CNTNAP4: variants seen among roughly 807,000 people sequenced by gnomAD.
The protein encoded by CNTNAP4 is contactin associated protein family member 4.
Under a neutral mutation model 148.4 loss-of-function variants are expected in CNTNAP4, and 98 were observed. The ratio of observed to expected loss-of-function variants is 0.66; its 90% CI spans 0.56 to 0.78. The LOEUF (loss-of-function observed/expected upper bound fraction) is 0.78. Ranked by LOEUF, CNTNAP4 falls within the 30% of genes least tolerant of loss-of-function variation. The pLI is 0.00. For missense variants in CNTNAP4, 1,935 were observed against 1,565.6 expected (o/e 1.24, Z -3.98); for synonymous variants, 730 against 565.1 (o/e 1.29, Z -4.14).
intron 1 of CNTNAP4, among the ~76,000 whole-genome samples, chr16:76,288,945 C>T (rs1958998710): frequency 6.6e-6 from 1 of 152,122 alleles, no homozygotes; most frequent in South Asian, 2.1e-4. Context: ...TAACTCTATT[C>T]CATTTCATTT....
chr16:76,348,360 T>C (rs1322121497), intron 2 of CNTNAP4, among the ~76,000 whole-genome samples: 1 of 151,974 alleles, frequency 6.6e-6, no homozygotes, highest in Non-Finnish European at 1.5e-5. Flanking sequence ...GGAAGGAGTG[T>C]AGGCAGATTT....
At chr16:76,442,493 A>T (rs1326752082) in intron 4 of CNTNAP4, among the ~76,000 whole-genome samples, 4 of 152,146 alleles carry the variant, frequency 2.6e-5, no homozygotes, top group African/African-American at 7.2e-5. Flanking sequence ...TATTTAGCTT[A>T]TGGTTCTGCA....
At chr16:76,311,767 G>A (rs925529328) in intron 1 of CNTNAP4, among the ~76,000 whole-genome samples, 2 of 152,098 alleles carry the variant, frequency 1.3e-5, no homozygotes. Flanking sequence ...GAAATGTTTG[G>A]TTACTCGATT....
At chr16:76,343,428 C>A (rs1468053072) in intron 2 of CNTNAP4, among the ~76,000 whole-genome samples, 1 of 152,170 alleles carries the variant, frequency 6.6e-6, no homozygotes, top group Non-Finnish European at 1.5e-5. Flanking sequence ...CACATCCTGA[C>A]AGACTTGATC....
chr16:76,369,582 C>G (rs2014558621), intron 3 of CNTNAP4, among the ~76,000 whole-genome samples: 1 of 152,226 alleles, frequency 6.6e-6, no homozygotes, highest in Non-Finnish European at 1.5e-5. Flanking sequence ...TAGCTCATGC[C>G]TGTAATCCCT....
chr16:76,443,358 A>C (rs931941797), intron 4 of CNTNAP4, among the ~76,000 whole-genome samples: 1 of 152,138 alleles, frequency 6.6e-6, no homozygotes, highest in African/African-American at 2.4e-5. Context: ...TATTTATACA[A>C]TTCAACTATG....
At chr16:76,534,032 A>G (rs2084107643) in intron 17 of CNTNAP4, among the ~76,000 whole-genome samples, 3 of 152,186 alleles carry the variant, frequency 2.0e-5, no homozygotes, top group African/African-American at 7.2e-5. Context: ...TCCTTTTCAT[A>G]GTCTTTCATT....
chr16:76,346,212 T>G (rs747092173), intron 2 of CNTNAP4, among the ~76,000 whole-genome samples: 2 of 152,088 alleles, frequency 1.3e-5, no homozygotes, highest in Non-Finnish European at 2.9e-5. Context: ...TTTTACTAAT[T>G]GGGGAAATAT....
intron 2 of CNTNAP4, among the ~76,000 whole-genome samples, chr16:76,326,561 A>G (rs1423833296): frequency 6.6e-6 from 1 of 152,190 alleles, no homozygotes; most frequent in Non-Finnish European, 1.5e-5. Context: ...ATGTCCAACA[A>G]TGATAGACTG....
chr16:76,535,461 T>G, intron 17 of CNTNAP4, 84 bp from the exon 18 acceptor site: 2 of 1,478,908 alleles, frequency 1.4e-6, no homozygotes, highest in Non-Finnish European at 1.8e-6. Context: ...TGCCGTTCTC[T>G]GTAAGGCCTC....
intron 3 of CNTNAP4, among the ~76,000 whole-genome samples, chr16:76,379,527 T>G (rs950345515): frequency 6.6e-6 from 1 of 152,224 alleles, no homozygotes; most frequent in African/African-American, 2.4e-5. Context: ...TTTCTCTAAC[T>G]GATTTTGTCT....
chr16:76,534,790 T>C (rs550944516), intron 17 of CNTNAP4, among the ~76,000 whole-genome samples: 7 of 152,344 alleles, frequency 4.6e-5, no homozygotes, highest in Non-Finnish European at 7.3e-5. Flanking sequence ...TCTTAAAGTT[T>C]GAGAAACTCT....
At chr16:76,548,949 T>C (rs9928928) in intron 21 of CNTNAP4, among the ~76,000 whole-genome samples, 48,374 of 152,076 alleles carry the variant, frequency 0.32, 7,960 homozygotes, top group African/African-American at 0.41. Flanking sequence ...AGCTGCTAAT[T>C]TTGTTTGGAC....
At chr16:76,340,811 T>G (rs891532615) in intron 2 of CNTNAP4, among the ~76,000 whole-genome samples, 6 of 152,146 alleles carry the variant, frequency 3.9e-5, no homozygotes, top group African/African-American at 1.4e-4. Flanking sequence ...AAGATTACTC[T>G]TTTTCTCTCT....
At chr16:76,451,341 T>C (rs2143222854) in intron 7 of CNTNAP4, among the ~76,000 whole-genome samples, 1 of 152,268 alleles carries the variant, frequency 6.6e-6, no homozygotes. Context: ...GCTTTACCAG[T>C]TTGATAATAA....
intron 3 of CNTNAP4, among the ~76,000 whole-genome samples, chr16:76,364,089 TAGCTG>T (rs2013786190): frequency 6.6e-6 from 1 of 151,978 alleles, no homozygotes; most frequent in East Asian, 1.9e-4. Context: ...ATACAAAAAT[TAGCTG>T]GGCATGGTGG....
At position 76,489,963 on chromosome 16, in the gene CNTNAP4, T is replaced by C. The variant is rs2082154818; in HGVS notation, c.2080+80T>C. On this transcript the variant is annotated intron_variant, in intron 13 of 23. Transcript: ENST00000611870. ...AACTAGCTCCTGAGAATTTTAAGTC[T>C]GCAAAGTGGTGGTGTCTAGCCACTG... The C allele has an allele frequency of 2.2e-6, 2 of 928,706 alleles. 1 individual carries two copies. Among genetic ancestry groups the C allele is most frequent in the South Asian group, 5.6e-5 (2 of 35,924 alleles). The allele number at this position is 928,706 out of a possible 1,614,324, so 57.5% of individuals were successfully genotyped here. A position where few individuals can be genotyped will look rare whatever the true frequency, so the allele number is the denominator to read the frequency against.
intron 17 of CNTNAP4, among the ~76,000 whole-genome samples, chr16:76,529,168 G>T (rs1219665092): frequency 6.6e-6 from 1 of 152,058 alleles, no homozygotes; most frequent in East Asian, 1.9e-4. Context: ...TCTCTTTGTA[G>T]CCTGTCTTTC....
chr16:76,440,401 C>T (rs2079987783), intron 4 of CNTNAP4, among the ~76,000 whole-genome samples: 1 of 152,020 alleles, frequency 6.6e-6, no homozygotes, highest in Non-Finnish European at 1.5e-5. Context: ...TTCCATGATT[C>T]ATAGTTTCAC....
Sources: gnomAD v4.1 joint callset for allele counts (sites outside exome capture counted in the v4.1 genomes callset) on GRCh38, gnomAD v4.1.1 for gene constraint, MANE v1.5 for transcripts, NCBI Gene and HGNC (gene_info 2026-07-23, HGNC 2026-07-21) for gene names.